The following CYP7B1 variants were observed in gnomAD, a reference collection of about 807,000 sequenced individuals.
CYP7B1 encodes cytochrome P450 family 7 subfamily B member 1, also known as cytochrome P450 7B1.
A neutral mutation model predicts 42.7 loss-of-function variants in CYP7B1; 29 were observed. The observed-to-expected ratio is 0.68, with a 90% CI of 0.51 to 0.93. The LOEUF is 0.93. Ranked by LOEUF, CYP7B1 falls within the 40% of genes least tolerant of loss-of-function variation. The pLI is 0.00. For synonymous variants in CYP7B1, 235 were observed against 218.2 expected, an observed-to-expected ratio of 1.08 and a Z score of -0.68; for missense variants, 655 against 600.5, an observed-to-expected ratio of 1.09 and a Z score of -0.95.
intron 1 of CYP7B1, among the ~76,000 whole-genome samples, chr8:64,701,798 C>G (rs531545921): frequency 6.6e-6 from 1 of 152,124 alleles, no homozygotes; most frequent in South Asian, 2.1e-4. Context: ...CCTCCCAACA[C>G]ACAAACTCAA....
Position 64,594,771 on chromosome 8 carries a change from G to A in CYP7B1, c.*1871C>T, listed in dbSNP as rs1805092644. ...GAAGAGACATCTAAAGAAATTACAT[G>A]GAGTGTAAGTTAGAGATACAAAGTG... On this transcript the variant is annotated 3_prime_UTR_variant, in exon 6 of 6. Transcript: ENST00000310193. Among the ~76,000 whole-genome samples the A allele has an allele frequency of 6.6e-6, 1 of 152,178 alleles. No individual in the cohort carries two copies. Among genetic ancestry groups the A allele is most frequent in the South Asian group, 2.1e-4 (1 of 4,826 alleles).
chr8:64,615,695 T>C lies in CYP7B1; in HGVS notation c.846A>G (p.Ile282Met). Reference sequence around the variant, plus strand: ...TGCTCATTCAGAAGTTCTTACCTCCTATTTCAAGGTCCTCGTGCACATAAT... The same window carrying C: ...TGCTCATTCAGAAGTTCTTACCTCCCATTTCAAGGTCCTCGTGCACATAAT... The part of the protein sequence containing the change: ...EKYYVHEDLE[I>M]GAHHLGFLWA... The change falls in exon 3 of 6, where the codon ATA (isoleucine) becomes ATG (methionine). Residue 282 changes from isoleucine (I) to methionine (M), a missense_variant. Coordinates refer to ENST00000310193, the MANE Select transcript of CYP7B1 (RefSeq NM_004820.5). 6.2e-7 allele frequency: 1 copy of C among 1,613,444 alleles called. No homozygotes were observed. The highest frequency in any genetic ancestry group is 8.5e-7 in the Non-Finnish European group (1 of 1,179,470).
At chr8:64,600,327 AT>A (rs1387679936) in intron 5 of CYP7B1, among the ~76,000 whole-genome samples, 1 of 152,158 alleles carries the variant, frequency 6.6e-6, no homozygotes, top group Non-Finnish European at 1.5e-5. Flanking sequence ...AGTTCAACAG[AT>A]TTTTTTGGAG....
intron 1 of CYP7B1, among the ~76,000 whole-genome samples, chr8:64,712,046 C>G (rs1424954175): frequency 2.0e-5 from 3 of 152,078 alleles, no homozygotes; most frequent in Non-Finnish European, 4.4e-5. Flanking sequence ...GAACAGAGTG[C>G]CTAACACAGC....
At chr8:64,728,748 T>A (rs1056211132) in intron 1 of CYP7B1, 2 of 152,088 alleles carry the variant, frequency 1.3e-5, no homozygotes, top group African/African-American at 2.4e-5. Flanking sequence ...CTAGAAAAAA[T>A]CAGGAAAACA....
At chr8:64,728,410 A>G (rs542938020) in intron 1 of CYP7B1, among the ~76,000 whole-genome samples, 20 of 152,342 alleles carry the variant, frequency 1.3e-4, no homozygotes, top group African/African-American at 4.8e-4. Flanking sequence ...CCACTTGGTC[A>G]CATGCAGTGA....
chr8:64,700,552 A>G (rs1806900047), intron 1 of CYP7B1, among the ~76,000 whole-genome samples: 1 of 152,138 alleles, frequency 6.6e-6, no homozygotes. Flanking sequence ...GGCAGAACTC[A>G]ATATATCTTT....
intron 1 of CYP7B1, among the ~76,000 whole-genome samples, chr8:64,759,963 A>G (rs1442597723): frequency 6.6e-6 from 1 of 152,178 alleles, no homozygotes; most frequent in Non-Finnish European, 1.5e-5. Context: ...ATTTCAGAGA[A>G]TATGTTATAG....
chr8:64,623,680 G>A (rs1297396705), intron 2 of CYP7B1, among the ~76,000 whole-genome samples: 1 of 152,042 alleles, frequency 6.6e-6, no homozygotes, highest in Non-Finnish European at 1.5e-5. Flanking sequence ...TGGTGTTTTG[G>A]TACTTTATTA....
intron 1 of CYP7B1, among the ~76,000 whole-genome samples, chr8:64,672,009 A>C (rs1806373996): frequency 6.6e-6 from 1 of 152,198 alleles, no homozygotes; most frequent in Non-Finnish European, 1.5e-5. Context: ...GTGTCTCTGA[A>C]GCCATGACAT....
chr8:64,685,873 G>A (rs1221200890), intron 1 of CYP7B1, among the ~76,000 whole-genome samples: 1 of 41,000 alleles, frequency 2.4e-5, no homozygotes, highest in African/African-American at 1.1e-4. Context: ...CGGGAGGGAG[G>A]TGGGGGGGTC....
chr8:64,703,559 C>T (rs1806949165), intron 1 of CYP7B1, among the ~76,000 whole-genome samples: 2 of 151,954 alleles, frequency 1.3e-5, no homozygotes, highest in Admixed American at 1.3e-4. Context: ...GAAATCCTCA[C>T]ATTAATAGGG....
rs1298132281 is a variant in CYP7B1, at chr8:64,615,890, T to TA, written c.650dup (p.Leu217PhefsTer4). 1.3e-5 allele frequency: 21 copies of TA among 1,613,554 alleles called. No homozygotes were observed. The highest frequency in any genetic ancestry group is 1.4e-5 in the Non-Finnish European group (17 of 1,179,772). ...AATATGCAAACTTGTCATCAAATTT[T>TA]AAAAAATCATCTCTTAGCTCACTAA... is the stretch of plus-strand genomic sequence containing the variant. On this transcript the variant is annotated frameshift_variant, in exon 3 of 6. Coordinates refer to ENST00000310193, the MANE Select transcript of CYP7B1 (RefSeq NM_004820.5). LOFTEE classifies it high-confidence loss of function.
chr8:64,656,086 A>C (rs555816105), intron 1 of CYP7B1, among the ~76,000 whole-genome samples: 3 of 152,268 alleles, frequency 2.0e-5, no homozygotes, highest in African/African-American at 7.2e-5. Context: ...GGGTGATGAA[A>C]TAATCTGTAC....
Position 64,615,919 on chromosome 8 carries a change from A to G in CYP7B1, c.622T>C (p.Phe208Leu), listed in dbSNP as rs1805435855. The change falls in exon 3 of 6, where the codon TTT (phenylalanine) becomes CTT (leucine). Residue 208 changes from phenylalanine (F) to leucine (L), a missense_variant. By Grantham distance (22) the Phe-to-Leu change is conservative. Coordinates refer to ENST00000310193, the MANE Select transcript of CYP7B1 (RefSeq NM_004820.5). Reference protein sequence around the residue: ...GKVIVCDNNKFISELRDDFLK... With the variant: ...GKVIVCDNNKLISELRDDFLK... The stretch of plus-strand genomic sequence containing the variant: ...AAATCATCTCTTAGCTCACTAATAA[A>G]TTTGTTGTTGTCACAAACAATAACT... 2.5e-6 allele frequency: 4 copies of G among 1,613,476 alleles called. No homozygotes were observed. The highest frequency in any genetic ancestry group is 1.3e-5 in the African/African-American group (1 of 74,898).
At chr8:64,623,353 G>A (rs943820263) in intron 2 of CYP7B1, among the ~76,000 whole-genome samples, 21 of 152,150 alleles carry the variant, frequency 1.4e-4, no homozygotes, top group Non-Finnish European at 2.6e-4. Flanking sequence ...GACACTAACT[G>A]CCATGTAAGA....
At chr8:64,648,201 T>C (rs986792758) in intron 1 of CYP7B1, among the ~76,000 whole-genome samples, 1 of 152,198 alleles carries the variant, frequency 6.6e-6, no homozygotes, top group Non-Finnish European at 1.5e-5. Flanking sequence ...TGATTATGAA[T>C]TATGTGCTCT....
intron 1 of CYP7B1, among the ~76,000 whole-genome samples, chr8:64,748,421 T>C (rs1807678799): frequency 6.6e-6 from 1 of 152,218 alleles, no homozygotes; most frequent in South Asian, 2.1e-4. Flanking sequence ...ATCCAGTAAG[T>C]ACTTCTCAGT....
At chr8:64,716,777 A>G (rs1043360759) in intron 1 of CYP7B1, among the ~76,000 whole-genome samples, 1 of 152,204 alleles carries the variant, frequency 6.6e-6, no homozygotes, top group African/African-American at 2.4e-5. Flanking sequence ...TGTTTTATGA[A>G]CCAGTGTATG....
Sources: allele counts gnomAD v4.1 joint callset (sites outside exome capture counted in the v4.1 genomes callset), GRCh38; gene constraint gnomAD v4.1.1; transcripts MANE v1.5; gene names NCBI Gene and HGNC (gene_info 2026-07-23, HGNC 2026-07-21).